Variants in SLC35F3 observed in about 807,000 individuals in gnomAD.
The protein encoded by SLC35F3 is putative thiamine transporter SLC35F3.
SLC35F3 carries 25 observed loss-of-function variants against 49.9 expected under a neutral mutation model. The observed-to-expected ratio is 0.50, with a 90% CI of 0.37 to 0.70. SLC35F3 has a LOEUF of 0.70. Ranked by LOEUF, SLC35F3 falls within the 30% of genes least tolerant of loss-of-function variation. The probability of loss-of-function intolerance (pLI) is 0.00; values close to 1 mark genes in which losing one functional copy is unlikely to be tolerated. For synonymous variants in SLC35F3, 275 were observed against 265.4 expected (o/e 1.04, Z -0.35); for missense variants, 525 against 639.8 (o/e 0.82, Z 1.94).
intron 2 of SLC35F3, among the ~76,000 whole-genome samples, chr1:233,947,031 G>A (rs1662523119): frequency 6.6e-6 from 1 of 152,160 alleles, no homozygotes; most frequent in Admixed American, 6.5e-5. Flanking sequence ...TGGGTCATTT[G>A]GGAGCAGTGG....
chr1:234,218,880 C>CA, intron 2 of SLC35F3, among the ~76,000 whole-genome samples: 1 of 148,164 alleles, frequency 6.7e-6, no homozygotes, highest in South Asian at 2.1e-4. Flanking sequence ...GAAACCCTGT[C>CA]ACTACTAAAA....
chr1:234,229,948 C>T (rs138708099), intron 2 of SLC35F3, among the ~76,000 whole-genome samples: 8 of 152,296 alleles, frequency 5.3e-5, no homozygotes, highest in South Asian at 2.1e-4. Context: ...TTTTGTCCTC[C>T]ACATCTTTCT....
At chr1:234,098,905 G>C (rs895343155) in intron 2 of SLC35F3, among the ~76,000 whole-genome samples, 1 of 149,066 alleles carries the variant, frequency 6.7e-6, no homozygotes, top group African/African-American at 2.5e-5. Context: ...GGTGGTGACT[G>C]TGTTGGTGGT....
intron 2 of SLC35F3, among the ~76,000 whole-genome samples, chr1:234,109,201 C>T (rs1452257615): frequency 3.9e-5 from 6 of 152,164 alleles, no homozygotes; most frequent in Non-Finnish European, 7.3e-5. Context: ...AAGAAATTTT[C>T]ACATTGCCTA....
intron 2 of SLC35F3, among the ~76,000 whole-genome samples, chr1:234,141,697 G>A (rs554640753): frequency 5.9e-5 from 9 of 152,212 alleles, no homozygotes; most frequent in Admixed American, 3.9e-4. Flanking sequence ...TGGAGAACTC[G>A]CTTCAGCTCA....
At position 234,022,950 on chromosome 1, in the gene SLC35F3, AAACAAATG is replaced by A. The variant is rs1230034884; in HGVS notation, c.283+117197_283+117204del. 4.6e-5 allele frequency among the ~76,000 whole-genome samples: 7 copies of A among 152,332 alleles called. No individual in the cohort carries two copies. The South Asian group carries it at 8.3e-4, about 18-fold the overall frequency. ...GGTGGTTCAGTCTATTAGAGGTGTC[AAACAAATG>A]AACACTAGTACAGCAGTACAGTAAG... On this transcript the variant is annotated intron_variant, in intron 2 of 7. Transcript: ENST00000366618.
chr1:234,070,470 T>A (rs143971688), intron 2 of SLC35F3, among the ~76,000 whole-genome samples: 1 of 152,354 alleles, frequency 6.6e-6, no homozygotes, highest in African/African-American at 2.4e-5. Context: ...CTTGATTTTT[T>A]AAAGTATGTA....
At chr1:234,101,077 A>G (rs1031892700) in intron 2 of SLC35F3, among the ~76,000 whole-genome samples, 4 of 151,854 alleles carry the variant, frequency 2.6e-5, no homozygotes, top group African/African-American at 4.8e-5. Context: ...CTCTGCTTGG[A>G]ATGCTTTCAG....
At chr1:234,107,492 G>T (rs12091330) in intron 2 of SLC35F3, among the ~76,000 whole-genome samples, 16 of 152,140 alleles carry the variant, frequency 1.1e-4, no homozygotes, top group African/African-American at 3.9e-4. Flanking sequence ...GGGGAGTAAA[G>T]AATTGGCACC....
intron 2 of SLC35F3, among the ~76,000 whole-genome samples, chr1:234,194,676 C>T (rs1345283835): frequency 6.6e-6 from 1 of 152,058 alleles, no homozygotes; most frequent in African/African-American, 2.4e-5. Flanking sequence ...CCCAAGACCC[C>T]TTAAAGGCTT....
chr1:234,091,245 G>A (rs1422269883), intron 2 of SLC35F3, among the ~76,000 whole-genome samples: 2 of 151,946 alleles, frequency 1.3e-5, no homozygotes, highest in African/African-American at 2.4e-5. Flanking sequence ...ATCCCCTAGC[G>A]GCTCTGAGGC....
Position 234,198,404 on chromosome 1 carries a change from A to C in SLC35F3, c.284-33013A>C, listed in dbSNP as rs183226166. ...GTACAGACATATGTTTTCTTTTCTTATGGGTATATACCTAGAAGTGGAATT... is the reference window on the plus strand; with the variant it reads ...GTACAGACATATGTTTTCTTTTCTTCTGGGTATATACCTAGAAGTGGAATT... On this transcript the variant is annotated intron_variant, in intron 2 of 7. Coordinates refer to ENST00000366618, the MANE Select transcript of SLC35F3 (RefSeq NM_173508.4). 1.9e-3 allele frequency among the ~76,000 whole-genome samples: 287 copies of C among 152,272 alleles called. 1 individual carries two copies. The highest frequency in any genetic ancestry group is 6.7e-3 in the African/African-American group (280 of 41,560).
At chr1:234,175,662 C>CAAAAA (rs35257762) in intron 2 of SLC35F3, among the ~76,000 whole-genome samples, 3 of 98,700 alleles carry the variant, frequency 3.0e-5, no homozygotes, top group Admixed American at 1.1e-4. Flanking sequence ...GACCCTGTCT[C>CAAAAA]AAAAAAAAAA....
At position 234,085,526 on chromosome 1, in the gene SLC35F3, A is replaced by T. The variant is rs1664947789; in HGVS notation, c.284-145891A>T. ...TTGGGATGTTATTATTTTGGCTTGC[A>T]TTTGCACGAATATGGCAATCAATCT... On this transcript the variant is annotated intron_variant, in intron 2 of 7. Coordinates refer to ENST00000366618, the MANE Select transcript of SLC35F3 (RefSeq NM_173508.4). 6.6e-5 allele frequency among the ~76,000 whole-genome samples: 10 copies of T among 152,278 alleles called. No individual in the cohort carries two copies. In the South Asian group the frequency reaches 2.1e-3, roughly 32 times the overall value.
intron 3 of SLC35F3, among the ~76,000 whole-genome samples, chr1:234,267,614 G>T (rs1668011056): frequency 6.6e-6 from 1 of 151,086 alleles, no homozygotes; most frequent in Admixed American, 6.6e-5. Flanking sequence ...CCTGGATGGG[G>T]CGGCTGGCCA....
At chr1:234,237,948 C>T (rs140807344) in intron 3 of SLC35F3, among the ~76,000 whole-genome samples, 215 of 152,330 alleles carry the variant, frequency 1.4e-3, no homozygotes, top group African/African-American at 5.0e-3. Flanking sequence ...AAGCGATCTG[C>T]CCACCTTGGC....
At chr1:234,188,183 G>A (rs1666675229) in intron 2 of SLC35F3, among the ~76,000 whole-genome samples, 1 of 151,370 alleles carries the variant, frequency 6.6e-6, no homozygotes, top group Non-Finnish European at 1.5e-5. Context: ...GTTGCGGTGA[G>A]CCAAGATCGG....
At position 234,286,526 on chromosome 1, in the gene SLC35F3, A is replaced by G. The variant is rs371521412; in HGVS notation, c.609-22575A>G. Among the ~76,000 whole-genome samples the G allele has an allele frequency of 6.8e-4, 103 of 152,344 alleles. 3 individuals are homozygous for G. In the East Asian group the frequency reaches 0.015, roughly 22 times the overall value. On this transcript the variant is annotated intron_variant, in intron 3 of 7. Transcript: ENST00000366618. Reference sequence around the variant, plus strand: ...GTAATCCAGTTATGTAACAAACTGTAGTAATTTGAATTAAGGATATGACAG... The same window carrying G: ...GTAATCCAGTTATGTAACAAACTGTGGTAATTTGAATTAAGGATATGACAG...
intron 2 of SLC35F3, among the ~76,000 whole-genome samples, chr1:234,126,455 C>T (rs1403967193): frequency 9.5e-6 from 1 of 105,486 alleles, no homozygotes; most frequent in Non-Finnish European, 2.2e-5. Context: ...TGATACAATC[C>T]ACTGATCTGC....
Sources: gnomAD v4.1 joint callset for allele counts (sites outside exome capture counted in the v4.1 genomes callset) on GRCh38, gnomAD v4.1.1 for gene constraint, MANE v1.5 for transcripts, NCBI Gene and HGNC (gene_info 2026-07-23, HGNC 2026-07-21) for gene names.